The following ADAMTSL1 variants were observed in gnomAD, a reference collection of about 807,000 sequenced individuals.
ADAMTSL1 encodes ADAMTS-like protein 1.
In ADAMTSL1, 126 loss-of-function variants were observed where a neutral mutation model predicts 201.8. That is an observed-to-expected ratio of 0.62 (90% CI 0.54 to 0.72). ADAMTSL1 has a LOEUF of 0.72. Ranked by LOEUF, ADAMTSL1 falls within the 30% of genes least tolerant of loss-of-function variation. The pLI is 0.00. For synonymous variants in ADAMTSL1, 1,121 were observed against 903.4 expected, an observed-to-expected ratio of 1.24 and a Z score of -4.32; for missense variants, 2,679 against 2,277.8, an observed-to-expected ratio of 1.18 and a Z score of -3.59.
intron 2 of ADAMTSL1, among the ~76,000 whole-genome samples, chr9:18,386,671 C>G (rs1837805442): frequency 6.6e-6 from 1 of 152,156 alleles, no homozygotes; most frequent in South Asian, 2.1e-4. Context: ...GATCCAGCTT[C>G]TTCACTTTGT....
At chr9:17,997,855 C>T (rs1451976318) in intron 1 of ADAMTSL1, among the ~76,000 whole-genome samples, 1 of 152,010 alleles carries the variant, frequency 6.6e-6, no homozygotes, top group African/African-American at 2.4e-5. Context: ...GATCTCTTGT[C>T]TTCATGCTCC....
chr9:18,713,565 T>A (rs1251794959), intron 14 of ADAMTSL1, among the ~76,000 whole-genome samples: 3 of 151,408 alleles, frequency 2.0e-5, no homozygotes, highest in Non-Finnish European at 4.4e-5. Flanking sequence ...TAAATATATA[T>A]GCACCCAATA....
intron 23 of ADAMTSL1, among the ~76,000 whole-genome samples, chr9:18,870,405 T>C (rs1219037579): frequency 1.3e-5 from 2 of 152,348 alleles, no homozygotes; most frequent in East Asian, 3.8e-4. Context: ...CTCTAGCCTC[T>C]ATCTTCCCTG....
At chr9:18,027,760 G>C (rs1820764522) in intron 1 of ADAMTSL1, among the ~76,000 whole-genome samples, 2 of 151,970 alleles carry the variant, frequency 1.3e-5, no homozygotes, top group South Asian at 4.1e-4. Context: ...TTTAAGTCTG[G>C]AACTTCATTA....
At chr9:18,166,599 T>C (rs1035641601) in intron 2 of ADAMTSL1, among the ~76,000 whole-genome samples, 3 of 151,908 alleles carry the variant, frequency 2.0e-5, no homozygotes, top group South Asian at 2.1e-4. Context: ...AATTGATAGT[T>C]GTGGAAGTAA....
chr9:18,794,280 AC>A (rs1366811413), intron 19 of ADAMTSL1, among the ~76,000 whole-genome samples: 2 of 151,926 alleles, frequency 1.3e-5, no homozygotes, highest in Non-Finnish European at 2.9e-5. Flanking sequence ...ATGGTAGTGC[AC>A]CCCTGTGGTC....
At chr9:18,245,645 A>G (rs1030716815) in intron 2 of ADAMTSL1, among the ~76,000 whole-genome samples, 5 of 152,070 alleles carry the variant, frequency 3.3e-5, no homozygotes, top group South Asian at 4.1e-4. Context: ...CCAGCCCTCC[A>G]TTGAGTTCCC....
At chr9:18,619,257 T>C (rs779443975) in intron 4 of ADAMTSL1, among the ~76,000 whole-genome samples, 1 of 152,214 alleles carries the variant, frequency 6.6e-6, no homozygotes, top group Non-Finnish European at 1.5e-5. Flanking sequence ...GATTAAGATA[T>C]GTCAAGTATG....
chr9:18,048,893 T>A (rs2067298200), intron 1 of ADAMTSL1, among the ~76,000 whole-genome samples: 1 of 152,154 alleles, frequency 6.6e-6, no homozygotes, highest in Admixed American at 6.5e-5. Context: ...AGAAATGTAC[T>A]TTTTGACAGT....
chr9:18,649,828 G>C (rs1828093966), intron 7 of ADAMTSL1, among the ~76,000 whole-genome samples: 1 of 152,164 alleles, frequency 6.6e-6, no homozygotes, highest in Non-Finnish European at 1.5e-5. Context: ...TAGGCTTCTT[G>C]GGGGTCAGGG....
chr9:18,841,233 G>A (rs1278071008), intron 23 of ADAMTSL1, among the ~76,000 whole-genome samples: 2 of 152,058 alleles, frequency 1.3e-5, no homozygotes, highest in African/African-American at 2.4e-5. Flanking sequence ...TTTATTGAGA[G>A]TTTTTAGCAT....
chr9:18,012,954 A>G (rs936817442), intron 1 of ADAMTSL1, among the ~76,000 whole-genome samples: 1 of 151,526 alleles, frequency 6.6e-6, no homozygotes, highest in Non-Finnish European at 1.5e-5. Context: ...AGTTCTCTTT[A>G]TTTTGGGCCT....
chr9:18,588,880 T>C (rs1038100264), intron 4 of ADAMTSL1, among the ~76,000 whole-genome samples: 1 of 112,386 alleles, frequency 8.9e-6, no homozygotes, highest in Non-Finnish European at 1.8e-5. Context: ...TATATATACA[T>C]ATACATATAT....
chr9:17,955,818 G>C (rs979572901), intron 1 of ADAMTSL1, among the ~76,000 whole-genome samples: 2 of 152,168 alleles, frequency 1.3e-5, no homozygotes, highest in South Asian at 4.2e-4. Flanking sequence ...TAGGAAAAAC[G>C]TAGCGTATAT....
intron 15 of ADAMTSL1, among the ~76,000 whole-genome samples, chr9:18,728,306 C>G (rs74732820): frequency 1.5e-3 from 223 of 152,204 alleles, no homozygotes; most frequent in African/African-American, 5.3e-3. Flanking sequence ...GAGAGGGAAG[C>G]TTTTCTGGTT....
At chr9:18,571,640 GCA>G (rs753573081) in intron 3 of ADAMTSL1, among the ~76,000 whole-genome samples, 27 of 152,208 alleles carry the variant, frequency 1.8e-4, no homozygotes, top group Admixed American at 1.0e-3. Flanking sequence ...GGAGAGAGCA[GCA>G]CCTTGACAGA....
At chr9:18,705,310 T>TG (rs1185087984) in intron 13 of ADAMTSL1, among the ~76,000 whole-genome samples, 10 of 152,180 alleles carry the variant, frequency 6.6e-5, no homozygotes, top group Admixed American at 2.0e-4. Flanking sequence ...AAATGAAAAA[T>TG]AAAAAATAAA....
intron 2 of ADAMTSL1, among the ~76,000 whole-genome samples, chr9:18,178,711 C>A (rs1003440446): frequency 7.2e-5 from 11 of 151,816 alleles, no homozygotes; most frequent in Non-Finnish European, 1.5e-4. Flanking sequence ...TCAAGTGGGT[C>A]CCTGACCCCT....
chr9:18,681,702 G>GGT lies in ADAMTSL1; in HGVS notation c.1342-109_1342-108insTG, dbSNP rs879111271. The GGT allele has an allele frequency of 1.8e-5, 9 of 507,860 alleles. 1 individual carries two copies. Among genetic ancestry groups the GGT allele is most frequent in the East Asian group, 1.3e-4 (3 of 23,808 alleles). 31.5% of individuals were successfully genotyped at this position (507,860 alleles called of 1,614,324 possible). Reference sequence around the variant, plus strand: ...ATTTACCAGGAGTCCTCGTGTGGGGGGGGGGGGCGGGGAAAAAGAAAACTT... The same window carrying GGT: ...ATTTACCAGGAGTCCTCGTGTGGGGGGTGGGGGGGCGGGGAAAAAGAAAACTT... On this transcript the variant is annotated intron_variant, in intron 11 of 28. Transcript: ENST00000380548.
Sources: gnomAD v4.1 joint callset for allele counts (sites outside exome capture counted in the v4.1 genomes callset) on GRCh38, gnomAD v4.1.1 for gene constraint, MANE v1.5 for transcripts, NCBI Gene and HGNC (gene_info 2026-07-23, HGNC 2026-07-21) for gene names.